The following CNGA1 variants were observed in gnomAD, a reference collection of about 807,000 sequenced individuals.
CNGA1 encodes the protein cyclic nucleotide gated channel subunit alpha 1, also known as cyclic nucleotide-gated channel alpha-1.
Under a neutral mutation model 69.7 loss-of-function variants are expected in CNGA1, and 53 were observed. The ratio of observed to expected loss-of-function variants is 0.76; its 90% CI spans 0.61 to 0.96. CNGA1 has a LOEUF of 0.96. Among genes scored for constraint, CNGA1 ranks in the 40% least tolerant of loss-of-function variants. CNGA1 has a pLI of 0.00. For synonymous variants in CNGA1, 249 were observed against 283.5 expected, an observed-to-expected ratio of 0.88 and a Z score of 1.22; for missense variants, 739 against 811.2, an observed-to-expected ratio of 0.91 and a Z score of 1.08.
chr4:47,942,736 A>G (rs1739167881), intron 8 of CNGA1, among the ~76,000 whole-genome samples: 1 of 152,156 alleles, frequency 6.6e-6, no homozygotes, highest in Non-Finnish European at 1.5e-5. Context: ...TAGGAGCACA[A>G]ACCTTATTGT....
At chr4:47,938,959 GGAAAGAAA>G (rs372773883) in intron 10 of CNGA1, among the ~76,000 whole-genome samples, 2 of 142,860 alleles carry the variant, frequency 1.4e-5, no homozygotes, top group Non-Finnish European at 3.0e-5. Context: ...AGGGAGGGAG[GGAAAGAAA>G]GAAAGAAAGA....
At chr4:47,954,998 C>T (rs1012384926) in intron 3 of CNGA1, among the ~76,000 whole-genome samples, 1 of 150,856 alleles carries the variant, frequency 6.6e-6, no homozygotes, top group African/African-American at 2.5e-5. Flanking sequence ...TCCTTTATAA[C>T]TATCCTTTTC....
chr4:47,983,512 C>G lies in CNGA1; in HGVS notation c.-122-2012G>C, dbSNP rs750632030. On this transcript the variant is annotated intron_variant, in intron 2 of 10. Coordinates refer to ENST00000514170, the MANE Select transcript of CNGA1 (RefSeq NM_001379270.1). ...GGCTGAGGTCGGAGAATCACTTGAA[C>G]CCAGGAGGCAGAGGTTGCAGTGAGC... Among the ~76,000 whole-genome samples, 18 of 152,082 alleles carry G rather than the reference C, an allele frequency of 1.2e-4. No homozygotes were observed. In the South Asian group the frequency reaches 1.7e-3, roughly 14 times the overall value.
At chr4:47,982,228 G>A (rs1289145360) in intron 2 of CNGA1, among the ~76,000 whole-genome samples, 1 of 152,164 alleles carries the variant, frequency 6.6e-6, no homozygotes, top group African/African-American at 2.4e-5. Flanking sequence ...AATAAATACT[G>A]TTTCCATTTA....
chr4:47,983,546 C>A (rs1054878830), intron 2 of CNGA1, among the ~76,000 whole-genome samples: 1 of 152,042 alleles, frequency 6.6e-6, no homozygotes, highest in Non-Finnish European at 1.5e-5. Context: ...GCCGAGATCA[C>A]ACCACTGCAC....
chr4:47,968,386 A>G (rs1740840559), intron 3 of CNGA1, among the ~76,000 whole-genome samples: 1 of 152,198 alleles, frequency 6.6e-6, no homozygotes, highest in African/African-American at 2.4e-5. Flanking sequence ...ATGGAGTTGT[A>G]CAAAGATATT....
At chr4:47,992,616 G>C (rs1363483925) in intron 2 of CNGA1, among the ~76,000 whole-genome samples, 2 of 151,956 alleles carry the variant, frequency 1.3e-5, no homozygotes, top group African/African-American at 4.8e-5. Context: ...TCAGCAAACA[G>C]TGACAGTTTG....
At chr4:47,940,458 T>G (rs1211146235) in intron 10 of CNGA1, among the ~76,000 whole-genome samples, 3 of 152,218 alleles carry the variant, frequency 2.0e-5, no homozygotes, top group Non-Finnish European at 4.4e-5. Context: ...AGCTTCCCCC[T>G]GTAGCTGGCA....
intron 2 of CNGA1, among the ~76,000 whole-genome samples, chr4:47,988,103 T>C (rs1232042585): frequency 1.3e-5 from 2 of 152,280 alleles, no homozygotes; most frequent in East Asian, 1.9e-4. Context: ...AGATTCTTGA[T>C]ATATTTTTAA....
At chr4:47,939,585 G>C (rs1278547639) in intron 10 of CNGA1, among the ~76,000 whole-genome samples, 2 of 152,168 alleles carry the variant, frequency 1.3e-5, no homozygotes, top group Non-Finnish European at 2.9e-5. Context: ...TGAGACTTAC[G>C]ACTGGCATCT....
chr4:47,980,652 T>C (rs1023101496), intron 3 of CNGA1, among the ~76,000 whole-genome samples: 1 of 151,998 alleles, frequency 6.6e-6, no homozygotes, highest in Admixed American at 6.6e-5. Flanking sequence ...ATTTTTGCAT[T>C]TTTTTAGAGA....
intron 3 of CNGA1, among the ~76,000 whole-genome samples, chr4:47,969,982 A>G (rs1191160879): frequency 1.3e-5 from 2 of 152,240 alleles, no homozygotes; most frequent in East Asian, 3.8e-4. Context: ...AGGATATGTA[A>G]TAGATAAGTA....
intron 1 of CNGA1, among the ~76,000 whole-genome samples, chr4:48,015,157 G>A (rs1434370915): frequency 2.0e-5 from 3 of 152,164 alleles, no homozygotes; most frequent in Non-Finnish European, 4.4e-5. Flanking sequence ...CAGCCTGGGC[G>A]ACAGAGCGAG....
intron 3 of CNGA1, among the ~76,000 whole-genome samples, chr4:47,962,322 C>G (rs1170134133): frequency 7.3e-6 from 1 of 136,058 alleles, no homozygotes; most frequent in African/African-American, 2.8e-5. Context: ...TCCAGCCTGG[C>G]AACAGAGCGA....
chr4:48,007,032 CAG>C (rs1373285137), intron 2 of CNGA1, among the ~76,000 whole-genome samples: 1 of 151,230 alleles, frequency 6.6e-6, no homozygotes, highest in African/African-American at 2.4e-5. Flanking sequence ...TTCATTTAAC[CAG>C]AGTGATAACT....
chr4:47,969,374 C>G (rs1229436362), intron 3 of CNGA1, among the ~76,000 whole-genome samples: 2 of 152,060 alleles, frequency 1.3e-5, no homozygotes, highest in Admixed American at 6.5e-5. Context: ...AGAGCAGAAA[C>G]ACAGAGAACT....
At chr4:47,982,611 C>G (rs1482917072) in intron 2 of CNGA1, among the ~76,000 whole-genome samples, 1 of 151,998 alleles carries the variant, frequency 6.6e-6, no homozygotes. Flanking sequence ...TTATACCTAC[C>G]ATTATATTCT....
chr4:47,985,496 C>T (rs1030475753), intron 2 of CNGA1, among the ~76,000 whole-genome samples: 1 of 152,128 alleles, frequency 6.6e-6, no homozygotes, highest in Non-Finnish European at 1.5e-5. Flanking sequence ...TTACTTGAAA[C>T]TTTCTTAAAT....
At chr4:47,993,479 C>T (rs944903807) in intron 2 of CNGA1, among the ~76,000 whole-genome samples, 11 of 151,988 alleles carry the variant, frequency 7.2e-5, no homozygotes, top group South Asian at 4.1e-4. Flanking sequence ...TGTGTAAAGG[C>T]GTTCATAGTA....
Sources: gnomAD v4.1 joint callset for allele counts (sites outside exome capture counted in the v4.1 genomes callset) on GRCh38, gnomAD v4.1.1 for gene constraint, MANE v1.5 for transcripts, NCBI Gene and HGNC (gene_info 2026-07-23, HGNC 2026-07-21) for gene names.